Variants in ADAMTS20 observed in about 807,000 individuals in gnomAD.
ADAMTS20 encodes the protein ADAM metallopeptidase with thrombospondin type 1 motif 20.
In ADAMTS20, 225 loss-of-function variants were observed where a neutral mutation model predicts 260.1. The observed-to-expected ratio is 0.87, with a 90% confidence interval of 0.78 to 0.97. The LOEUF (loss-of-function observed/expected upper bound fraction) is 0.97. ADAMTS20 is among the 50% of genes least tolerant of loss of function. The pLI is 0.00. For synonymous variants in ADAMTS20, 802 were observed against 769.5 expected (o/e 1.04, Z -0.70); for missense variants, 2,400 against 2,337.7 (o/e 1.03, Z -0.55).
intron 4 of ADAMTS20, among the ~76,000 whole-genome samples, chr12:43,500,280 C>T (rs1388522956): frequency 6.6e-5 from 10 of 152,060 alleles, no homozygotes; most frequent in Admixed American, 3.9e-4. Flanking sequence ...CTGCATGCCT[C>T]GGCCTCTCAA....
intron 28 of ADAMTS20, among the ~76,000 whole-genome samples, chr12:43,411,055 T>C (rs1226595199): frequency 1.3e-5 from 2 of 152,188 alleles, no homozygotes; most frequent in African/African-American, 2.4e-5. Context: ...TAAAAATATT[T>C]CAAGAATCAC....
intron 3 of ADAMTS20, among the ~76,000 whole-genome samples, chr12:43,504,226 T>C (rs1031769627): frequency 1.5e-4 from 23 of 152,072 alleles, no homozygotes; most frequent in African/African-American, 5.5e-4. Flanking sequence ...GCATCTATTA[T>C]TTTTTTTATT....
chr12:43,408,700 G>T (rs566113914), intron 28 of ADAMTS20, among the ~76,000 whole-genome samples: 1 of 152,078 alleles, frequency 6.6e-6, no homozygotes, highest in African/African-American at 2.4e-5. Flanking sequence ...AGGGGAGAAT[G>T]TTTTAGAGAT....
intron 29 of ADAMTS20, among the ~76,000 whole-genome samples, chr12:43,385,607 T>C (rs1262615945): frequency 6.6e-6 from 1 of 152,208 alleles, no homozygotes; most frequent in African/African-American, 2.4e-5. Context: ...CTTTAATCCA[T>C]CTTGAGTTAA....
intron 2 of ADAMTS20, among the ~76,000 whole-genome samples, chr12:43,547,368 C>A (rs1268215210): frequency 6.6e-6 from 1 of 152,004 alleles, no homozygotes; most frequent in Non-Finnish European, 1.5e-5. Flanking sequence ...GGGGGAAAGG[C>A]AATGGAGGCA....
At position 43,431,374 on chromosome 12, in the gene ADAMTS20, T is replaced by G. The variant is rs777136475; in HGVS notation, c.3219A>C (p.Glu1073Asp). The change falls in exon 22 of 39, where the codon GAA becomes GAC. Residue 1073 changes from glutamate (E) to aspartate (D), a missense_variant. Transcript: ENST00000389420. ...CTTGCCAGGAAGCACATGTATGAAG[T>G]TCACATGGACTCAGAGATTCAGGTT... ...STKPESLSPC[E>D]LHTCASWQVG... 4 of 1,613,802 alleles carry G rather than the reference T, an allele frequency of 2.5e-6. No homozygotes were observed. In the East Asian group the frequency reaches 8.9e-5, roughly 36 times the overall value.
At chr12:43,454,644 G>A (rs186186942) in intron 11 of ADAMTS20, among the ~76,000 whole-genome samples, 2 of 152,228 alleles carry the variant, frequency 1.3e-5, no homozygotes, top group Admixed American at 1.3e-4. Flanking sequence ...CCCTGCTTGT[G>A]TACTTAATCC....
In ADAMTS20 at chr12:43,446,598, A is replaced by G. The variant is rs1175776836; in HGVS notation, c.2194T>C (p.Tyr732His). 1 of 1,610,486 alleles carries G rather than the reference A, an allele frequency of 6.2e-7. No homozygotes were observed. Among genetic ancestry groups the G allele is most frequent in the Non-Finnish European group, 8.5e-7 (1 of 1,177,188 alleles). Reference protein sequence around the residue: ...TITGVFNSSHYGYNVVVKIPA... With the variant: ...TITGVFNSSHHGYNVVVKIPA... Reference sequence around the variant, plus strand: ...TAGAAACAAATACACAACTTACCATAATGAGAACTGTTGAAGACACCTGTT... The same window carrying G: ...TAGAAACAAATACACAACTTACCATGATGAGAACTGTTGAAGACACCTGTT... The change falls in exon 15 of 39, where the codon TAT becomes CAT. Residue 732 changes from tyrosine (Y) to histidine (H), a missense_variant. Transcript: ENST00000389420.
At chr12:43,397,213 C>T (rs1565679831) in intron 29 of ADAMTS20, among the ~76,000 whole-genome samples, 3 of 152,064 alleles carry the variant, frequency 2.0e-5, no homozygotes, top group Non-Finnish European at 4.4e-5. Context: ...AGATACAAAG[C>T]TAGGTGTGGA....
intron 4 of ADAMTS20, among the ~76,000 whole-genome samples, chr12:43,500,234 G>A (rs147484523): frequency 0.018 from 2,694 of 152,096 alleles, 90 homozygotes; most frequent in African/African-American, 0.062. Context: ...TCACTATGTT[G>A]GCCAGACTGG....
chr12:43,529,664 A>G (rs192369951), intron 3 of ADAMTS20, among the ~76,000 whole-genome samples: 4 of 152,096 alleles, frequency 2.6e-5, no homozygotes, highest in Non-Finnish European at 5.9e-5. Flanking sequence ...GCGGGAGGGT[A>G]GGAGGGGGGT....
At chr12:43,501,161 C>T (rs918332603) in intron 4 of ADAMTS20, among the ~76,000 whole-genome samples, 9 of 144,994 alleles carry the variant, frequency 6.2e-5, no homozygotes, top group African/African-American at 2.5e-5. Context: ...CGGGTTCAAG[C>T]GATTCTCCTG....
intron 34 of ADAMTS20, 22 bp from the exon 35 acceptor site, chr12:43,376,170 C>G (rs1360642408): frequency 6.4e-7 from 1 of 1,569,148 alleles, no homozygotes; most frequent in South Asian, 1.2e-5. Flanking sequence ...ATGTAAACAT[C>G]TAGAAAAACT....
chr12:43,489,113 C>CA (rs909754343), intron 7 of ADAMTS20, among the ~76,000 whole-genome samples: 3 of 149,744 alleles, frequency 2.0e-5, no homozygotes, highest in South Asian at 2.1e-4. Context: ...AATATGATGT[C>CA]AAAAAAAATT....
At chr12:43,353,657 GA>G (rs1278947575), downstream of ADAMTS20, among the ~76,000 whole-genome samples, 7 of 151,892 alleles carry the variant, frequency 4.6e-5, no homozygotes, top group African/African-American at 1.7e-4. Flanking sequence ...AAAAATTAAA[GA>G]AAAAATAAAA....
At chr12:43,492,444 T>G (rs1296278768) in intron 6 of ADAMTS20, 61 bp downstream of exon 6, 1 of 1,488,432 alleles carries the variant, frequency 6.7e-7, no homozygotes, top group Non-Finnish European at 9.1e-7. Flanking sequence ...AGAAGAAGTA[T>G]CAGTCATGCA....
chr12:43,394,242 G>A (rs1940654402), intron 29 of ADAMTS20, among the ~76,000 whole-genome samples: 1 of 152,012 alleles, frequency 6.6e-6, no homozygotes, highest in East Asian at 1.9e-4. Context: ...TAAAATCAGG[G>A]CTCTTGCTAC....
intron 16 of ADAMTS20, among the ~76,000 whole-genome samples, chr12:43,442,420 G>A (rs1848897): frequency 0.094 from 14,312 of 152,002 alleles, 801 homozygotes; most frequent in Middle Eastern, 0.12. Context: ...ACCATGTCCG[G>A]CTAATTTTTG....
rs184041861 is a variant in ADAMTS20 at position 43,419,504 on chromosome 12, C to T, written c.4284+6010G>A. On this transcript the variant is annotated intron_variant, in intron 28 of 38. Coordinates refer to ENST00000389420, the MANE Select transcript of ADAMTS20 (RefSeq NM_025003.5). ...ATCTTCTATAAACAGCCTCAATATA[C>T]AGCACATAGATATTGTAGAACACTG... Among the ~76,000 whole-genome samples the T allele has an allele frequency of 6.8e-4, 104 of 152,182 alleles. 1 individual carries two copies. In the East Asian group the frequency reaches 0.01, roughly 15 times the overall value.
Sources: allele counts gnomAD v4.1 joint callset (sites outside exome capture counted in the v4.1 genomes callset), GRCh38; gene constraint gnomAD v4.1.1; transcripts MANE v1.5; gene names NCBI Gene and HGNC (gene_info 2026-07-23, HGNC 2026-07-21).